Variants in KIAA0232 observed in about 807,000 individuals in gnomAD.
KIAA0232 encodes uncharacterized protein KIAA0232.
In KIAA0232, 27 loss-of-function variants were observed where a neutral mutation model predicts 122.0. That is an observed-to-expected ratio of 0.22 (90% CI 0.16 to 0.31). KIAA0232 has a LOEUF of 0.31. Among genes scored for constraint, KIAA0232 ranks in the 10% least tolerant of loss-of-function variants. The probability of loss-of-function intolerance (pLI) is 1.00; values close to 1 mark genes in which losing one functional copy is unlikely to be tolerated. For synonymous variants in KIAA0232, 613 were observed against 587.6 expected (o/e 1.04, Z -0.63); for missense variants, 1,551 against 1,634.2 (o/e 0.95, Z 0.88).
At chr4:6,810,556 A>G (rs1244803010) in intron 2 of KIAA0232, among the ~76,000 whole-genome samples, 1 of 152,218 alleles carries the variant, frequency 6.6e-6, no homozygotes, top group Non-Finnish European at 1.5e-5. Context: ...AAACACAGGC[A>G]ACTAAAACAG....
chr4:6,853,531 A>T (rs1009406995), intron 4 of KIAA0232, among the ~76,000 whole-genome samples: 2 of 152,212 alleles, frequency 1.3e-5, no homozygotes, highest in Non-Finnish European at 2.9e-5. Context: ...CTTTGACTCC[A>T]TTGAGCCATG....
At chr4:6,853,782 T>G (rs547412934) in intron 4 of KIAA0232, among the ~76,000 whole-genome samples, 1 of 152,144 alleles carries the variant, frequency 6.6e-6, no homozygotes, top group Non-Finnish European at 1.5e-5. Context: ...TTGAGAAGGA[T>G]GGGAAGTATG....
chr4:6,859,741 T>C (rs1256474858), intron 6 of KIAA0232, among the ~76,000 whole-genome samples: 1 of 152,232 alleles, frequency 6.6e-6, no homozygotes, highest in Non-Finnish European at 1.5e-5. Flanking sequence ...TACCACTTCA[T>C]GTGTGACCTT....
Position 6,862,294 on chromosome 4 carries a change from A to T in KIAA0232, c.1912A>T (p.Ile638Phe), listed in dbSNP as rs1220415939. The change falls in exon 7 of 10, where the codon ATT becomes TTT. Residue 638 changes from isoleucine to phenylalanine, a missense_variant. Ile to Phe is a conservative substitution (Grantham distance 21). Around this residue, in one of 5 missense-constraint regions of KIAA0232, gnomAD observed 1,108 missense variants for 1,154.8 expected, o/e 0.96. Coordinates refer to ENST00000307659, the MANE Select transcript of KIAA0232 (RefSeq NM_014743.3). ...TGGCAATCAAGAGCTCTTTTCAGAT[A>T]TTAATGAAGGATCTGGTATAAACTC... ...LAGNQELFSD[I>F]NEGSGINSCF... 6.2e-7 allele frequency: 1 copy of T among 1,614,196 alleles called. No individual in the cohort carries two copies. Among genetic ancestry groups the T allele is most frequent in the African/African-American group, 1.3e-5 (1 of 75,062 alleles).
At chr4:6,871,954 A>C (rs1298033310) in intron 8 of KIAA0232, among the ~76,000 whole-genome samples, 2 of 152,192 alleles carry the variant, frequency 1.3e-5, no homozygotes, top group Non-Finnish European at 2.9e-5. Context: ...TGAGTCACAG[A>C]GGAGGAAACA....
intron 3 of KIAA0232, among the ~76,000 whole-genome samples, chr4:6,828,258 C>T (rs1718799565): frequency 6.6e-6 from 1 of 152,152 alleles, no homozygotes; most frequent in Non-Finnish European, 1.5e-5. Flanking sequence ...CCTGTAGTCC[C>T]AGCAACTTGG....
chr4:6,812,157 T>C (rs1457211621), intron 2 of KIAA0232, among the ~76,000 whole-genome samples: 2 of 152,166 alleles, frequency 1.3e-5, no homozygotes, highest in Non-Finnish European at 2.9e-5. Context: ...GGGAGGGGCA[T>C]ATGAACTCCA....
chr4:6,814,527 T>G (rs1169581942), intron 2 of KIAA0232, among the ~76,000 whole-genome samples: 1 of 152,176 alleles, frequency 6.6e-6, no homozygotes, highest in Non-Finnish European at 1.5e-5. Flanking sequence ...GTGGTAGTCT[T>G]TAACAATACC....
chr4:6,796,980 A>G (rs1349929756), intron 1 of KIAA0232, among the ~76,000 whole-genome samples: 1 of 152,248 alleles, frequency 6.6e-6, no homozygotes, highest in Admixed American at 6.5e-5. Context: ...TTTACTGACA[A>G]CAGTCAGTTG....
chr4:6,787,163 G>A (rs952864668), intron 1 of KIAA0232, among the ~76,000 whole-genome samples: 6 of 117,142 alleles, frequency 5.1e-5, no homozygotes, highest in Non-Finnish European at 6.5e-5. Context: ...CCTGGCGACA[G>A]AGCAAGGCTC....
rs554774777 is a variant in KIAA0232, at chr4:6,881,137, A to G, written c.*171A>G. 4.8e-5 allele frequency: 23 copies of G among 483,036 alleles called. No homozygotes were observed. In the Admixed American group the frequency reaches 9.2e-4, roughly 19 times the overall value. 29.9% of individuals were successfully genotyped at this position (483,036 alleles called of 1,614,324 possible). On this transcript the variant is annotated 3_prime_UTR_variant, in exon 10 of 10. Transcript: ENST00000307659. ...GCTTATTTTAGAGTTGAGGACAGCT[A>G]TCCTGTTAAAGATTTTTTTTCCCAG... is the stretch of plus-strand genomic sequence containing the variant.
intron 3 of KIAA0232, among the ~76,000 whole-genome samples, chr4:6,840,927 T>C (rs1719621379): frequency 6.6e-6 from 1 of 152,176 alleles, no homozygotes; most frequent in African/African-American, 2.4e-5. Flanking sequence ...TGATTAACAA[T>C]TCAATGCTGT....
At chr4:6,851,367 C>T (rs1720274021) in intron 4 of KIAA0232, among the ~76,000 whole-genome samples, 1 of 152,134 alleles carries the variant, frequency 6.6e-6, no homozygotes, top group Non-Finnish European at 1.5e-5. Flanking sequence ...AAAGAAACTG[C>T]CATCTCCATA....
At position 6,883,793 on chromosome 4, in the gene KIAA0232, CT is replaced by C. The variant is rs1722186086; in HGVS notation, c.*2829del. ...AAGGGAAAAGGAAAACTCATATGTCCTTCTGTCACTCTGAGACATACACTGG... is the reference window on the plus strand; with the variant it reads ...AAGGGAAAAGGAAAACTCATATGTCCTCTGTCACTCTGAGACATACACTGG... On this transcript the variant is annotated 3_prime_UTR_variant, in exon 10 of 10. Coordinates refer to ENST00000307659, the MANE Select transcript of KIAA0232 (RefSeq NM_014743.3). 6.6e-6 allele frequency: 1 copy of C among 152,156 alleles called. No homozygotes were observed. The highest frequency in any genetic ancestry group is 1.5e-5 in the Non-Finnish European group (1 of 68,018). The allele number at this position is 152,156 out of a possible 1,614,324, so 9.4% of individuals were successfully genotyped here. A position where few individuals can be genotyped will look rare whatever the true frequency, so the allele number is the denominator to read the frequency against.
At chr4:6,815,811 TC>T (rs1373306614) in intron 2 of KIAA0232, among the ~76,000 whole-genome samples, 1 of 152,216 alleles carries the variant, frequency 6.6e-6, no homozygotes, top group Non-Finnish European at 1.5e-5. Flanking sequence ...TAAGAACGGT[TC>T]TCTTAAGGAT....
chr4:6,811,484 C>T (rs1717873804), intron 2 of KIAA0232, among the ~76,000 whole-genome samples: 2 of 152,182 alleles, frequency 1.3e-5, no homozygotes, highest in African/African-American at 4.8e-5. Flanking sequence ...ACTCTGTCAC[C>T]TAGGCTGGAG....
intron 2 of KIAA0232, among the ~76,000 whole-genome samples, chr4:6,807,559 G>A (rs961214460): frequency 1.1e-4 from 16 of 152,164 alleles, no homozygotes; most frequent in Admixed American, 9.8e-4. Context: ...AAAACTGTAG[G>A]TCTGATTGTC....
intron 2 of KIAA0232, among the ~76,000 whole-genome samples, chr4:6,814,302 A>G (rs1156962404): frequency 2.6e-5 from 4 of 151,852 alleles, no homozygotes; most frequent in Non-Finnish European, 5.9e-5. Context: ...GAGAACTGCA[A>G]TGTTACCTGA....
chr4:6,840,687 A>C (rs1252812588), intron 3 of KIAA0232, among the ~76,000 whole-genome samples: 1 of 151,418 alleles, frequency 6.6e-6, no homozygotes, highest in Non-Finnish European at 1.5e-5. Flanking sequence ...CTATTTGACA[A>C]ATGTCTAATA....
Sources: allele counts gnomAD v4.1 joint callset (sites outside exome capture counted in the v4.1 genomes callset), GRCh38; gene constraint gnomAD v4.1.1; regional missense constraint gnomAD v4.1.1; transcripts MANE v1.5; gene names NCBI Gene and HGNC (gene_info 2026-07-23, HGNC 2026-07-21).